The following MAPK10 variants were observed in gnomAD, a reference collection of about 807,000 sequenced individuals.
The protein encoded by MAPK10 is JNK3 alpha protein kinase.
A neutral mutation model predicts 59.3 loss-of-function variants in MAPK10; 25 were observed. That is an observed-to-expected ratio of 0.42 (90% CI 0.31 to 0.59). The LOEUF is 0.59. MAPK10 is among the 20% of genes least tolerant of loss of function. The probability of loss-of-function intolerance (pLI) is 0.15; values close to 1 mark genes in which losing one functional copy is unlikely to be tolerated. For missense variants in MAPK10, 351 were observed against 568.9 expected (o/e 0.62, Z 3.90); for synonymous variants, 190 against 200.5 (o/e 0.95, Z 0.44).
chr4:86,266,869 TATATA>T (rs2094259799), intron 2 of MAPK10, among the ~76,000 whole-genome samples: 1 of 152,028 alleles, frequency 6.6e-6, no homozygotes, highest in South Asian at 2.1e-4. Context: ...TATATAATAT[TATATA>T]ATATTTTCTG....
rs187466315 is a variant in MAPK10 at position 86,382,323 on chromosome 4, C to T, written c.-121-27679G>A. ...TGGCACTGACCCCCCACTCAGTCTT[C>T]AGACCTCAGGATTACCTGGAACCTT... On this transcript the variant is annotated intron_variant, in intron 1 of 13. Transcript: ENST00000361569. Among the ~76,000 whole-genome samples, 9 of 152,280 alleles carry T rather than the reference C, an allele frequency of 5.9e-5. No individual in the cohort carries two copies. The East Asian group carries it at 1.7e-3, about 29-fold the overall frequency.
intron 1 of MAPK10, among the ~76,000 whole-genome samples, chr4:86,512,951 AC>A (rs1756388233): frequency 6.6e-6 from 1 of 152,168 alleles, no homozygotes; most frequent in Non-Finnish European, 1.5e-5. Flanking sequence ...TGAGACTCTT[AC>A]CTCTCTTAAT....
At position 86,294,732 on chromosome 4, in the gene MAPK10, AGAG is replaced by A. The variant is rs371868682; in HGVS notation, c.-7+59795_-7+59797del. On this transcript the variant is annotated intron_variant, in intron 2 of 13. Coordinates refer to ENST00000641462, the MANE Select transcript of MAPK10 (RefSeq NM_138982.4). The stretch of plus-strand genomic sequence containing the variant: ...GTCTCATGGCTTCAGCAAGGTGAGG[AGAG>A]GAGAGACCAGGGAGGCTGAGGTGGC... Among the ~76,000 whole-genome samples, 21 of 152,280 alleles carry A rather than the reference AGAG, an allele frequency of 1.4e-4. No individual in the cohort carries two copies. The East Asian group carries it at 2.7e-3, about 20-fold the overall frequency.
At chr4:86,193,786 C>T in intron 3 of MAPK10, 1 of 159,970 alleles carries the variant, frequency 6.3e-6, no homozygotes. Flanking sequence ...GCTGGTGTTC[C>T]AGGCACCACT....
At chr4:86,375,078 A>T (rs1207419929) in intron 1 of MAPK10, among the ~76,000 whole-genome samples, 1 of 152,166 alleles carries the variant, frequency 6.6e-6, no homozygotes, top group Non-Finnish European at 1.5e-5. Context: ...AATGCGAGGG[A>T]TTTTTAAATT....
intron 9 of MAPK10, among the ~76,000 whole-genome samples, chr4:86,074,683 G>C (rs1340027995): frequency 1.4e-5 from 2 of 144,644 alleles, no homozygotes; most frequent in African/African-American, 5.3e-5. Context: ...GAAATTCTGG[G>C]TTGAAAATTC....
At chr4:86,300,876 C>G (rs970883850) in intron 2 of MAPK10, 2 of 135,006 alleles carry the variant, frequency 1.5e-5, no homozygotes, top group Non-Finnish European at 3.1e-5. Flanking sequence ...GAAGAGAGAT[C>G]AAATTGTTAA....
intron 2 of MAPK10, among the ~76,000 whole-genome samples, chr4:86,310,668 A>C (rs2095650437): frequency 1.3e-5 from 2 of 152,116 alleles, no homozygotes; most frequent in African/African-American, 4.8e-5. Flanking sequence ...AAACCTATTG[A>C]AATGCTTTCA....
chr4:86,270,316 T>C (rs1296911408), intron 2 of MAPK10, among the ~76,000 whole-genome samples: 1 of 151,974 alleles, frequency 6.6e-6, no homozygotes, highest in Non-Finnish European at 1.5e-5. Flanking sequence ...TTTCGTTTAC[T>C]CTTTACCTAA....
intron 2 of MAPK10, among the ~76,000 whole-genome samples, chr4:86,200,298 G>A (rs2082316346): frequency 6.6e-6 from 1 of 151,920 alleles, no homozygotes; most frequent in Admixed American, 6.6e-5. Flanking sequence ...ACAGAGAATA[G>A]TCTGAAAACC....
At chr4:86,285,434 C>A (rs970342645) in intron 2 of MAPK10, among the ~76,000 whole-genome samples, 11 of 152,060 alleles carry the variant, frequency 7.2e-5, no homozygotes, top group African/African-American at 2.2e-4. Flanking sequence ...TCAGGCAGTT[C>A]TCCAACTCTT....
chr4:86,440,599 G>C (rs1289699524), intron 1 of MAPK10, among the ~76,000 whole-genome samples: 1 of 149,856 alleles, frequency 6.7e-6, no homozygotes, highest in Non-Finnish European at 1.5e-5. Context: ...CTGCACTCAA[G>C]CCTGGGTGAC....
At chr4:86,403,738 G>A (rs530179786) in intron 1 of MAPK10, among the ~76,000 whole-genome samples, 4 of 152,176 alleles carry the variant, frequency 2.6e-5, no homozygotes, top group Admixed American at 1.3e-4. Context: ...ATCAGATCTC[G>A]TGATACTCAC....
chr4:86,303,800 A>G (rs2148852101), intron 2 of MAPK10, among the ~76,000 whole-genome samples: 1 of 152,366 alleles, frequency 6.6e-6, no homozygotes, highest in African/African-American at 2.4e-5. Context: ...CTACTGGACA[A>G]AATTCATTTG....
chr4:86,255,739 G>T (rs1012323971), intron 2 of MAPK10, among the ~76,000 whole-genome samples: 1 of 151,990 alleles, frequency 6.6e-6, no homozygotes, highest in Non-Finnish European at 1.5e-5. Context: ...CCTCTGCTTT[G>T]CCAAGACCCT....
chr4:86,413,485 CT>C (rs1745463571), intron 1 of MAPK10, among the ~76,000 whole-genome samples: 2 of 152,316 alleles, frequency 1.3e-5, no homozygotes, highest in Admixed American at 1.3e-4. Context: ...TTTCTGCTGC[CT>C]TTTGTTCTGC....
chr4:86,181,625 A>G (rs924177675), intron 3 of MAPK10, among the ~76,000 whole-genome samples: 36 of 152,250 alleles, frequency 2.4e-4, no homozygotes, highest in African/African-American at 7.9e-4. Context: ...TACTTAGGAA[A>G]TGGTGTTTTT....
At chr4:86,269,516 C>T (rs1452553699) in intron 2 of MAPK10, among the ~76,000 whole-genome samples, 3 of 152,100 alleles carry the variant, frequency 2.0e-5, no homozygotes, top group Non-Finnish European at 4.4e-5. Flanking sequence ...TACCAGAATG[C>T]ACAGTCTGTA....
At chr4:86,526,227 T>A (rs898321490) in intron 1 of MAPK10, among the ~76,000 whole-genome samples, 4 of 152,194 alleles carry the variant, frequency 2.6e-5, no homozygotes, top group Admixed American at 1.3e-4. Context: ...TAGGTTTTTT[T>A]ATTACTAATT....
Sources: gnomAD v4.1 joint callset for allele counts (sites outside exome capture counted in the v4.1 genomes callset) on GRCh38, gnomAD v4.1.1 for gene constraint, MANE v1.5 for transcripts, NCBI Gene and HGNC (gene_info 2026-07-23, HGNC 2026-07-21) for gene names.